Variants in MYPN observed in about 807,000 individuals in gnomAD.
MYPN encodes sarcomeric protein myopalladin, 145 kDa (MYOP).
A neutral mutation model predicts 129.4 loss-of-function variants in MYPN; 63 were observed. That is an observed-to-expected ratio of 0.49 (90% CI 0.40 to 0.60). The LOEUF (loss-of-function observed/expected upper bound fraction) is 0.60. Among genes scored for constraint, MYPN ranks in the 20% least tolerant of loss-of-function variants. MYPN has a pLI of 0.00. For synonymous variants in MYPN, 629 were observed against 600.9 expected, an observed-to-expected ratio of 1.05 and a Z score of -0.68; for missense variants, 1,596 against 1,635.4, an observed-to-expected ratio of 0.98 and a Z score of 0.42.
intron 1 of MYPN, among the ~76,000 whole-genome samples, chr10:68,100,992 T>C (rs996126484): frequency 6.6e-6 from 1 of 152,238 alleles, no homozygotes; most frequent in Non-Finnish European, 1.5e-5. Context: ...ATGATAAGTT[T>C]TCAGTAAATA....
chr10:68,145,421 C>A (rs2042646480), intron 3 of MYPN, 54 bp from the exon 4 acceptor site: 5 of 1,425,754 alleles, frequency 3.5e-6, no homozygotes, highest in African/African-American at 1.4e-5. Context: ...GTTTAGGAAC[C>A]AATTTAAGAA....
intron 10 of MYPN, among the ~76,000 whole-genome samples, chr10:68,173,372 T>C (rs986543556): frequency 6.6e-6 from 1 of 152,214 alleles, no homozygotes; most frequent in African/African-American, 2.4e-5. Flanking sequence ...TCATCAGAAC[T>C]TTGAGCACTG....
chr10:68,152,478 C>T (rs184047923), intron 6 of MYPN, among the ~76,000 whole-genome samples: 67 of 152,128 alleles, frequency 4.4e-4, no homozygotes, highest in African/African-American at 1.5e-3. Context: ...ACCTCTGGCA[C>T]GTTTATCATG....
intron 18 of MYPN, among the ~76,000 whole-genome samples, chr10:68,203,742 G>GAGCA (rs2043762922): frequency 1.9e-5 from 1 of 52,064 alleles, no homozygotes; most frequent in Non-Finnish European, 5.6e-5. Flanking sequence ...GAGAGAGAGA[G>GAGCA]AGAGATACAG....
Position 68,188,960 on chromosome 10 carries a change from T to C in MYPN, c.2759T>C (p.Leu920Ser). The C allele has an allele frequency of 1.2e-6, 2 of 1,614,154 alleles. No homozygotes were observed. The highest frequency in any genetic ancestry group is 1.1e-5 in the South Asian group (1 of 91,082). Residue 920 changes from leucine to serine, a missense_variant, in exon 13 of 20, where the codon TTG becomes TCG. By Grantham distance (145) the Leu-to-Ser change is moderately radical. Coordinates refer to ENST00000358913, the MANE Select transcript of MYPN (RefSeq NM_032578.4). ...QRLMNEIEFR[L>S]ERTPVDESDD... Reference sequence around the variant, plus strand: ...CTGATGAATGAAATAGAGTTTCGCTTGGAACGTACTCCTGTTGATGAATCA... The same window carrying C: ...CTGATGAATGAAATAGAGTTTCGCTCGGAACGTACTCCTGTTGATGAATCA...
chr10:68,118,848 A>AAG (rs1413651208), intron 1 of MYPN, among the ~76,000 whole-genome samples: 4 of 149,346 alleles, frequency 2.7e-5, no homozygotes, highest in African/African-American at 9.9e-5. Context: ...GAAAGAGAGA[A>AAG]AGAGAGAGAG....
chr10:68,117,917 A>G (rs2042182125), intron 1 of MYPN, among the ~76,000 whole-genome samples: 1 of 152,068 alleles, frequency 6.6e-6, no homozygotes. Flanking sequence ...ACAGATGAGT[A>G]AACTGAGGCA....
intron 19 of MYPN, among the ~76,000 whole-genome samples, chr10:68,207,761 A>G (rs866195601): frequency 2.3e-4 from 35 of 152,204 alleles, no homozygotes; most frequent in Admixed American, 7.9e-4. Flanking sequence ...TCCCAGACCC[A>G]TGAGATTATT....
At chr10:68,201,780 CAAA>C (rs370818222) in intron 17 of MYPN, 46 bp from the exon 18 acceptor site, 300 of 1,341,986 alleles carry the variant, frequency 2.2e-4, no homozygotes, top group Admixed American at 4.1e-4. Context: ...GACTCTGTCT[CAAA>C]AAAAAAAAAA....
At chr10:68,184,366 C>A (rs1389866365) in intron 12 of MYPN, among the ~76,000 whole-genome samples, 1 of 152,144 alleles carries the variant, frequency 6.6e-6, no homozygotes, top group African/African-American at 2.4e-5. Flanking sequence ...ATGAATGACC[C>A]AAATAAGATT....
chr10:68,187,313 A>AG (rs2043438203), intron 12 of MYPN, among the ~76,000 whole-genome samples: 1 of 152,054 alleles, frequency 6.6e-6, no homozygotes, highest in Admixed American at 6.6e-5. Flanking sequence ...TCTCAAAAAA[A>AG]AAAAAAAATA....
At chr10:68,106,460 T>C (rs2133951783), upstream of MYPN, 1 of 485,270 alleles carries the variant, frequency 2.1e-6, no homozygotes, top group Non-Finnish European at 3.7e-6. Flanking sequence ...GTCAAGAACT[T>C]GTCTTTGCTG....
At position 68,147,629 on chromosome 10, in the gene MYPN, C is replaced by T. The variant is rs117504336; in HGVS notation, c.1131-724C>T. On this transcript the variant is annotated intron_variant, in intron 4 of 19. Transcript: ENST00000358913. ...AAGTCCAGAGCTTGTTGCTTTCTGA[C>T]GTGTGTAATTACTGATATCTTTAAC... Among the ~76,000 whole-genome samples the T allele has an allele frequency of 2.6e-4, 39 of 152,256 alleles. 1 individual carries two copies. The East Asian group carries it at 6.7e-3, about 26-fold the overall frequency.
intron 7 of MYPN, among the ~76,000 whole-genome samples, chr10:68,161,267 G>A (rs1053942348): frequency 1.3e-5 from 2 of 152,086 alleles, no homozygotes; most frequent in Admixed American, 6.5e-5. Context: ...AGGCTAAGGC[G>A]GGCAGATTAC....
chr10:68,207,410 G>A (rs2043835259), intron 19 of MYPN, among the ~76,000 whole-genome samples: 1 of 152,120 alleles, frequency 6.6e-6, no homozygotes, highest in African/African-American at 2.4e-5. Context: ...TTTACTATGA[G>A]CTTCACCTTC....
At chr10:68,115,536 C>T (rs2042145109) in intron 1 of MYPN, among the ~76,000 whole-genome samples, 1 of 152,214 alleles carries the variant, frequency 6.6e-6, no homozygotes, top group Non-Finnish European at 1.5e-5. Flanking sequence ...GGCTACCGCT[C>T]ATTGGTCCAA....
intron 1 of MYPN, among the ~76,000 whole-genome samples, chr10:68,093,544 C>A (rs1475951637): frequency 5.3e-5 from 8 of 150,362 alleles, no homozygotes; most frequent in Admixed American, 1.3e-4. Flanking sequence ...CGAGACCATC[C>A]CGGCTAACGT....
rs769033531 is a variant in MYPN, at chr10:68,210,299, T to C, written c.3807T>C (p.His1269=). The C allele has an allele frequency of 6.2e-7, 1 of 1,613,570 alleles. No individual in the cohort carries two copies. Among genetic ancestry groups the C allele is most frequent in the South Asian group, 1.1e-5 (1 of 91,044 alleles). The change falls in exon 20 of 20, where the codon CAT becomes CAC. Residue 1269 remains histidine (H), a synonymous_variant. Transcript: ENST00000358913. ...ARLDIYAQWH[H]QIPPPMSVRP... ...TCCATTTTCCAGCTCAGTGGCACCA[T>C]CAGATCCCACCGCCCATGTCTGTCC...
At position 68,122,178 on chromosome 10, in the gene MYPN, G is replaced by C. The variant is rs1250584637; in HGVS notation, c.740G>C (p.Gly247Ala). 6.2e-7 allele frequency: 1 copy of C among 1,610,860 alleles called. No homozygotes were observed. The highest frequency in any genetic ancestry group is 1.1e-5 in the South Asian group (1 of 90,720). Residue 247 changes from glycine (G) to alanine (A), a missense_variant, in exon 2 of 20, where the codon GGT becomes GCT. By Grantham distance (60) the Gly-to-Ala change is moderately conservative. Coordinates refer to ENST00000358913, the MANE Select transcript of MYPN (RefSeq NM_032578.4). The part of the protein sequence containing the change: ...EAEQAASEAA[G>A]GDTTPGSSPS... ...GAGCAGGCTGCCAGTGAGGCGGCTG[G>C]TGGAGACACTACACCAGGGTCTTCC...
Sources: gnomAD v4.1 joint callset for allele counts (sites outside exome capture counted in the v4.1 genomes callset) on GRCh38, gnomAD v4.1.1 for gene constraint, MANE v1.5 for transcripts, NCBI Gene and HGNC (gene_info 2026-07-23, HGNC 2026-07-21) for gene names.